Variants in FEZ1 observed in about 807,000 individuals in gnomAD.
FEZ1 encodes the protein fasciculation and elongation protein zeta-1.
In FEZ1, 20 loss-of-function variants were observed where a neutral mutation model predicts 49.3. That is an observed-to-expected ratio of 0.41 (90% CI 0.29 to 0.59). The LOEUF (loss-of-function observed/expected upper bound fraction) is 0.59, where lower values mean the gene tolerates loss of function less well. Among genes scored for constraint, FEZ1 ranks in the 20% least tolerant of loss-of-function variants. The probability of loss-of-function intolerance (pLI) is 0.36; values close to 1 mark genes in which losing one functional copy is unlikely to be tolerated. For synonymous variants in FEZ1, 170 were observed against 180.9 expected, an observed-to-expected ratio of 0.94 and a Z score of 0.48; for missense variants, 413 against 476.0, an observed-to-expected ratio of 0.87 and a Z score of 1.23.
rs766463665 is a variant in FEZ1, at chr11:125,495,591, G to A, written c.-46+530C>T. On this transcript the variant is annotated intron_variant, in intron 1 of 9. Transcript: ENST00000278919. This position sits in a 1 kb window ranked among gnomAD's most constrained non-coding sequence, Gnocchi z 4.2. The stretch of plus-strand genomic sequence containing the variant: ...GGTCTGGGGAAGGCTCCGCACTCTG[G>A]GGAGGGGCACGAGCGGGGTCGGGGG... The A allele has an allele frequency of 2.1e-6, 1 of 469,552 alleles. No homozygotes were observed. Among genetic ancestry groups the A allele is most frequent in the South Asian group, 1.6e-5 (1 of 64,476 alleles). 29.1% of individuals were successfully genotyped at this position (469,552 alleles called of 1,614,324 possible).
In FEZ1 at chr11:125,445,626, G is replaced by C. The variant is rs756997038; in HGVS notation, c.*469C>G. 3.7e-6 allele frequency: 1 copy of C among 267,902 alleles called. No homozygotes were observed. Among genetic ancestry groups the C allele is most frequent in the Non-Finnish European group, 7.3e-6 (1 of 136,486 alleles). 16.6% of individuals were successfully genotyped at this position (267,902 alleles called of 1,614,324 possible). A position where few individuals can be genotyped will look rare whatever the true frequency, so the allele number is the denominator to read the frequency against. On this transcript the variant is annotated 3_prime_UTR_variant, in exon 10 of 10. Transcript: ENST00000278919. The surrounding 1 kb of genome is among the most constrained non-coding windows in gnomAD (Gnocchi z 4.4). ...ACGACCCACAACAGGACATGCGCCC[G>C]GTCCCTAAACACAGCACTGGCTGCC...
chr11:125,487,979 T>C (rs1957341534), intron 2 of FEZ1, among the ~76,000 whole-genome samples: 1 of 152,152 alleles, frequency 6.6e-6, no homozygotes, highest in African/African-American at 2.4e-5. Context: ...TTCTTCCCAC[T>C]CAAATCCACA....
chr11:125,493,880 A>G (rs1486937512), intron 1 of FEZ1, among the ~76,000 whole-genome samples: 1 of 152,212 alleles, frequency 6.6e-6, no homozygotes, highest in Non-Finnish European at 1.5e-5. Context: ...TATATGATTA[A>G]CCAGCAACAA....
At chr11:125,466,702 A>G (rs1013231359) in intron 3 of FEZ1, among the ~76,000 whole-genome samples, 3 of 152,188 alleles carry the variant, frequency 2.0e-5, no homozygotes, top group African/African-American at 7.2e-5. Flanking sequence ...AAACTTGAAA[A>G]GAAATGCAGA....
chr11:125,495,476 C>T lies in FEZ1; in HGVS notation c.-46+645G>A, dbSNP rs185456739. ...GCGCCCCGCCACCGCGCAGCCGCCC[C>T]GGTCCCTTCTCCCGCCCGTCTGTAG... On this transcript the variant is annotated intron_variant, in intron 1 of 9. Coordinates refer to ENST00000278919, the MANE Select transcript of FEZ1 (RefSeq NM_005103.5). The surrounding 1 kb of genome is among the most constrained non-coding windows in gnomAD (Gnocchi z 4.2). 1.5e-5 allele frequency: 7 copies of T among 470,904 alleles called. No homozygotes were observed. Among genetic ancestry groups the T allele is most frequent in the Non-Finnish European group, 3.1e-5 (7 of 227,014 alleles). 29.2% of individuals were successfully genotyped at this position (470,904 alleles called of 1,614,324 possible).
At chr11:125,493,999 C>T (rs1433307681) in intron 1 of FEZ1, among the ~76,000 whole-genome samples, 1 of 152,316 alleles carries the variant, frequency 6.6e-6, no homozygotes, top group Non-Finnish European at 1.5e-5. Context: ...AAAATGGATT[C>T]ATCTAGAAAA....
intron 3 of FEZ1, among the ~76,000 whole-genome samples, chr11:125,466,160 T>C (rs183054192): frequency 1.6e-3 from 243 of 152,222 alleles, no homozygotes; most frequent in African/African-American, 5.6e-3. Flanking sequence ...CCAGGTCATT[T>C]AGGGCTGAAT....
chr11:125,477,595 G>A (rs547554481), intron 3 of FEZ1, among the ~76,000 whole-genome samples: 72 of 152,208 alleles, frequency 4.7e-4, no homozygotes, highest in African/African-American at 1.6e-3. Context: ...AAGCCCTGCC[G>A]CCTCTACCTG....
chr11:125,455,868 G>A lies in FEZ1; in HGVS notation c.906C>T (p.Ser302=), dbSNP rs145990906. ...RKEKGLSLQS[S]RIEKGNQMPL... is the part of the protein sequence containing the mutation. ...GCATCTGGTTTCCCTTCTCTATCCG[G>A]CTGCTCTGCAGGCTCAGCCCTTTCT... The change falls in exon 6 of 10, where the codon AGC becomes AGT. Residue 302 remains serine (S), a synonymous_variant. Coordinates refer to ENST00000278919, the MANE Select transcript of FEZ1 (RefSeq NM_005103.5). 9 of 1,613,704 alleles carry A rather than the reference G, an allele frequency of 5.6e-6. No homozygotes were observed. The highest frequency in any genetic ancestry group is 7.6e-6 in the Non-Finnish European group (9 of 1,179,990).
Position 125,489,529 on chromosome 11 carries a change from G to T in FEZ1, c.249C>A (p.Asn83Lys), listed in dbSNP as rs147711169. Residue 83 changes from asparagine (N) to lysine (K), a missense_variant, in exon 2 of 10, where the codon AAC (asparagine) becomes AAA (lysine). Asn to Lys is a moderately conservative substitution (Grantham distance 94). Coordinates refer to ENST00000278919, the MANE Select transcript of FEZ1 (RefSeq NM_005103.5). The surrounding 1 kb of genome is among the most constrained non-coding windows in gnomAD (Gnocchi z 4.2). ...GTAACTGGTTCTTCACGGGAGCTAGGTTCTCGGTCTTGGCGTTGTAGTTCC... is the reference window on the plus strand; with the variant it reads ...GTAACTGGTTCTTCACGGGAGCTAGTTTCTCGGTCTTGGCGTTGTAGTTCC... ...CFRNYNAKTE[N>K]LAPVKNQLQI... 6.2e-7 allele frequency: 1 copy of T among 1,614,138 alleles called. No homozygotes were observed. The highest frequency in any genetic ancestry group is 8.5e-7 in the Non-Finnish European group (1 of 1,179,992).
rs774719487 is a variant in FEZ1, at chr11:125,481,575, G to A, written c.370C>T (p.Pro124Ser). Residue 124 changes from proline (P) to serine (S), a missense_variant, in exon 3 of 10, where the codon CCA becomes TCA. Physicochemically the swap from Pro to Ser is moderately conservative, Grantham distance 74 (BLOSUM62 -1). Transcript: ENST00000278919. ...IPSLSEDWRD[P>S]NIEALNGNCS... ...TTGCCATTCAGAGCCTCGATGTTTGGATCCCTCCAGTCTTCTGAGAGTGAA... is the reference window on the plus strand; with the variant it reads ...TTGCCATTCAGAGCCTCGATGTTTGAATCCCTCCAGTCTTCTGAGAGTGAA... 2.4e-5 allele frequency: 39 copies of A among 1,613,390 alleles called. No homozygotes were observed. The highest frequency in any genetic ancestry group is 3.2e-5 in the Non-Finnish European group (38 of 1,179,588).
intron 5 of FEZ1, 44 bp from the exon 6 acceptor site, chr11:125,456,150 C>G (rs1957009240): frequency 2.0e-6 from 3 of 1,526,320 alleles, no homozygotes; most frequent in East Asian, 2.3e-5. Context: ...GCATCCACAC[C>G]AGAGCCCGCT....
intron 7 of FEZ1, chr11:125,453,816 A>G (rs534870575): frequency 1.3e-4 from 25 of 199,696 alleles, no homozygotes; most frequent in Non-Finnish European, 2.0e-4. Context: ...GATGGGATCT[A>G]TCATCAAATG....
intron 1 of FEZ1, among the ~76,000 whole-genome samples, chr11:125,494,456 C>T (rs571232172): frequency 6.6e-6 from 1 of 152,342 alleles, no homozygotes; most frequent in Non-Finnish European, 1.5e-5. Flanking sequence ...CATCCTCATT[C>T]ATAGCTCATC....
At chr11:125,471,811 G>A (rs1957185278) in intron 3 of FEZ1, among the ~76,000 whole-genome samples, 1 of 152,074 alleles carries the variant, frequency 6.6e-6, no homozygotes, top group Non-Finnish European at 1.5e-5. Flanking sequence ...ATTGCAGAAT[G>A]TGCATCATTT....
At chr11:125,491,743 G>A (rs1366083042) in intron 1 of FEZ1, among the ~76,000 whole-genome samples, 1 of 152,194 alleles carries the variant, frequency 6.6e-6, no homozygotes, top group East Asian at 1.9e-4. Flanking sequence ...CTGCCAGTTT[G>A]TACCGGGATT....
At chr11:125,457,068 A>T (rs1277000120) in intron 5 of FEZ1, among the ~76,000 whole-genome samples, 1 of 151,870 alleles carries the variant, frequency 6.6e-6, no homozygotes, top group East Asian at 1.9e-4. Context: ...CTATAATTCC[A>T]GCTATTCGGC....
At chr11:125,448,628 G>A (rs1591577928) in intron 8 of FEZ1, 61 bp from the exon 9 acceptor site, 1 of 1,030,826 alleles carries the variant, frequency 9.7e-7, no homozygotes, top group Non-Finnish European at 1.5e-6. Flanking sequence ...CACTTCTAGG[G>A]CCACATGACC....
At chr11:125,466,901 A>G (rs1957135711) in intron 3 of FEZ1, among the ~76,000 whole-genome samples, 1 of 152,096 alleles carries the variant, frequency 6.6e-6, no homozygotes, top group Admixed American at 6.6e-5. Flanking sequence ...CCTTTGCATA[A>G]TATTTTCCTC....
Sources: allele counts gnomAD v4.1 joint callset (sites outside exome capture counted in the v4.1 genomes callset), GRCh38; gene constraint gnomAD v4.1.1; non-coding constraint Gnocchi (gnomAD v3.1); transcripts MANE v1.5; gene names NCBI Gene and HGNC (gene_info 2026-07-23, HGNC 2026-07-21).